The following CDH13 variants were observed in gnomAD, a reference collection of about 807,000 sequenced individuals.
CDH13 encodes cadherin 13.
Under a neutral mutation model 63.8 loss-of-function variants are expected in CDH13, and 24 were observed. The ratio of observed to expected loss-of-function variants is 0.38; its 90% CI spans 0.27 to 0.53. The LOEUF is 0.53. Among genes scored for constraint, CDH13 ranks in the 20% least tolerant of loss-of-function variants. CDH13 has a pLI of 0.85. For missense variants in CDH13, 1,049 were observed against 903.1 expected, an observed-to-expected ratio of 1.16 and a Z score of -2.07; for synonymous variants, 503 against 355.3, an observed-to-expected ratio of 1.42 and a Z score of -4.67.
At position 83,797,904 on chromosome 16, in the gene CDH13, A is replaced by G. The variant is rs1312949136; in HGVS notation, c.*2874A>G. 6.6e-6 allele frequency: 1 copy of G among 152,254 alleles called. No homozygotes were observed. Among genetic ancestry groups the G allele is most frequent in the Non-Finnish European group, 1.5e-5 (1 of 68,046 alleles). The allele number at this position is 152,254 out of a possible 1,614,324, so 9.4% of individuals were successfully genotyped here. ...TTGGATAATTTGTTTTAATAAGAATATGCACACATTTTCTAATTTCAATAA... is the reference window on the plus strand; with the variant it reads ...TTGGATAATTTGTTTTAATAAGAATGTGCACACATTTTCTAATTTCAATAA... On this transcript the variant is annotated 3_prime_UTR_variant, in exon 14 of 14. Transcript: ENST00000567109.
At chr16:83,278,853 C>A (rs934234191) in intron 5 of CDH13, among the ~76,000 whole-genome samples, 1 of 152,158 alleles carries the variant, frequency 6.6e-6, no homozygotes, top group Non-Finnish European at 1.5e-5. Context: ...ACATGACTAC[C>A]TTGCCTGGAG....
At chr16:83,142,303 G>T (rs1018349865) in intron 4 of CDH13, among the ~76,000 whole-genome samples, 2 of 151,914 alleles carry the variant, frequency 1.3e-5, no homozygotes, top group African/African-American at 4.8e-5. Flanking sequence ...TGGAACTACA[G>T]GTGTGTGCCC....
At chr16:83,276,002 C>A (rs900730025) in intron 5 of CDH13, among the ~76,000 whole-genome samples, 2 of 152,058 alleles carry the variant, frequency 1.3e-5, no homozygotes, top group African/African-American at 4.8e-5. Flanking sequence ...ACAATTATAA[C>A]AGAAGGAAAA....
chr16:82,768,696 A>G (rs1383648881), intron 1 of CDH13, among the ~76,000 whole-genome samples: 1 of 152,196 alleles, frequency 6.6e-6, no homozygotes, highest in Non-Finnish European at 1.5e-5. Context: ...AGGTCTGTTT[A>G]CAGCTCAGCA....
At chr16:83,466,283 G>A (rs1224342409) in intron 6 of CDH13, among the ~76,000 whole-genome samples, 1 of 152,204 alleles carries the variant, frequency 6.6e-6, no homozygotes, top group African/African-American at 2.4e-5. Flanking sequence ...AGGTTCAAGA[G>A]GCTGAAGAAG....
chr16:82,853,816 G>A (rs556618522), intron 1 of CDH13, among the ~76,000 whole-genome samples: 2 of 152,200 alleles, frequency 1.3e-5, no homozygotes, highest in South Asian at 2.1e-4. Context: ...TGATTGCCGT[G>A]GCATTAAAGA....
chr16:83,691,440 C>T lies in CDH13; in HGVS notation c.1538+12979C>T, dbSNP rs545801907. On this transcript the variant is annotated intron_variant, in intron 10 of 13. Transcript: ENST00000567109. ...AGGGCTGTGGCCAAGCCCTGGGACACTCTCATATTGGGAGGAGTGGCCCTG... is the reference window on the plus strand; with the variant it reads ...AGGGCTGTGGCCAAGCCCTGGGACATTCTCATATTGGGAGGAGTGGCCCTG... Among the ~76,000 whole-genome samples, 251 of 152,256 alleles carry T rather than the reference C, an allele frequency of 1.6e-3. 2 individuals are homozygous for T. Among genetic ancestry groups the T allele is most frequent in the Non-Finnish European group, 2.4e-3 (164 of 68,012 alleles).
chr16:83,149,463 G>T (rs1254447616), intron 4 of CDH13, among the ~76,000 whole-genome samples: 1 of 152,154 alleles, frequency 6.6e-6, no homozygotes, highest in Non-Finnish European at 1.5e-5. Context: ...ATTCATATGG[G>T]CAGGAACTGA....
chr16:83,528,481 A>C (rs1324870917), intron 7 of CDH13, among the ~76,000 whole-genome samples: 5 of 152,164 alleles, frequency 3.3e-5, no homozygotes, highest in African/African-American at 1.2e-4. Context: ...CATGAGGCTC[A>C]TTCTCAGGGG....
intron 11 of CDH13, among the ~76,000 whole-genome samples, chr16:83,758,969 G>A (rs1196359637): frequency 1.3e-5 from 2 of 152,128 alleles, no homozygotes; most frequent in East Asian, 3.9e-4. Context: ...TTTTCAAACC[G>A]ACCTGAGGGA....
At chr16:83,232,440 G>A (rs1256723437) in intron 5 of CDH13, among the ~76,000 whole-genome samples, 1 of 151,526 alleles carries the variant, frequency 6.6e-6, no homozygotes, top group Admixed American at 6.6e-5. Flanking sequence ...CAGGAGAATC[G>A]CTTGAACCTG....
At chr16:82,979,024 C>G (rs771757502) in intron 2 of CDH13, among the ~76,000 whole-genome samples, 4 of 152,170 alleles carry the variant, frequency 2.6e-5, no homozygotes, top group African/African-American at 4.8e-5. Context: ...ATCATCATGC[C>G]CTAGATGTGA....
At chr16:82,865,538 C>G (rs1484165974) in intron 2 of CDH13, among the ~76,000 whole-genome samples, 1 of 152,200 alleles carries the variant, frequency 6.6e-6, no homozygotes, top group Non-Finnish European at 1.5e-5. Flanking sequence ...GTATTTTGGC[C>G]CCTTTTAGCC....
chr16:83,770,796 G>C (rs1914708449), intron 11 of CDH13, among the ~76,000 whole-genome samples: 1 of 152,092 alleles, frequency 6.6e-6, no homozygotes, highest in Non-Finnish European at 1.5e-5. Context: ...ATTTTGGTGG[G>C]TTTTGGCCAG....
intron 4 of CDH13, among the ~76,000 whole-genome samples, chr16:83,198,061 C>G (rs1187383687): frequency 6.6e-6 from 1 of 152,034 alleles, no homozygotes; most frequent in Non-Finnish European, 1.5e-5. Flanking sequence ...AAGGATTTAT[C>G]GACATTTTAG....
intron 2 of CDH13, among the ~76,000 whole-genome samples, chr16:82,903,658 A>C (rs185792727): frequency 6.6e-5 from 10 of 152,332 alleles, no homozygotes; most frequent in Admixed American, 5.9e-4. Flanking sequence ...TTCTACTTGG[A>C]ATCAGACCCT....
At position 83,371,345 on chromosome 16, in the gene CDH13, T is replaced by C. The variant is rs1356080322; in HGVS notation, c.781+26339T>C. Among the ~76,000 whole-genome samples, 3 of 152,148 alleles carry C rather than the reference T, an allele frequency of 2.0e-5. No individual in the cohort carries two copies. In the East Asian group the frequency reaches 5.8e-4, roughly 29 times the overall value. On this transcript the variant is annotated intron_variant, in intron 6 of 13. Coordinates refer to ENST00000567109, the MANE Select transcript of CDH13 (RefSeq NM_001257.5). ...TTTCTTTTGCATTAGTGGAGAAACA[T>C]ATCCAGGTCTCCCAATCCTAATATG...
At chr16:83,221,644 T>A (rs1414205716) in intron 5 of CDH13, among the ~76,000 whole-genome samples, 1 of 39,716 alleles carries the variant, frequency 2.5e-5, no homozygotes. Context: ...GTTAGGCGAG[T>A]GGGGGAGGAA....
intron 6 of CDH13, among the ~76,000 whole-genome samples, chr16:83,393,750 C>T (rs1442444913): frequency 6.6e-6 from 1 of 152,190 alleles, no homozygotes; most frequent in African/African-American, 2.4e-5. Context: ...ACAATGTATG[C>T]ATTTATTCAT....
Sources: gnomAD v4.1 joint callset for allele counts (sites outside exome capture counted in the v4.1 genomes callset) on GRCh38, gnomAD v4.1.1 for gene constraint, MANE v1.5 for transcripts, NCBI Gene and HGNC (gene_info 2026-07-23, HGNC 2026-07-21) for gene names.